The following ERGIC2 variants were observed in gnomAD, a reference collection of about 807,000 sequenced individuals.
The protein encoded by ERGIC2 is endoplasmic reticulum-Golgi intermediate compartment protein 2.
A neutral mutation model predicts 52.5 loss-of-function variants in ERGIC2; 31 were observed. The ratio of observed to expected loss-of-function variants is 0.59; its 90% CI spans 0.44 to 0.80. The LOEUF is 0.80. ERGIC2 is among the 30% of genes least tolerant of loss of function. The pLI is 0.00. For missense variants in ERGIC2, 395 were observed against 455.2 expected (o/e 0.87, Z 1.20); for synonymous variants, 129 against 140.6 (o/e 0.92, Z 0.58).
chr12:29,340,749 T>G lies in ERGIC2; in HGVS notation c.*407A>C. 2.5e-6 allele frequency: 1 copy of G among 403,350 alleles called. No homozygotes were observed. Among genetic ancestry groups the G allele is most frequent in the Non-Finnish European group, 4.7e-6 (1 of 211,514 alleles). The allele number at this position is 403,350 out of a possible 1,614,324, so 25.0% of individuals were successfully genotyped here. ...CCACATTTTATTCTGACATCATATC[T>G]TTTAAAAACAAAAGGATGCGAACAT... On this transcript the variant is annotated 3_prime_UTR_variant, in exon 14 of 14. Transcript: ENST00000360150.
chr12:29,365,676 A>ATT (rs1940351168), intron 5 of ERGIC2, among the ~76,000 whole-genome samples: 9 of 148,962 alleles, frequency 6.0e-5, no homozygotes, highest in Admixed American at 1.3e-4. Flanking sequence ...AGAAAATTAA[A>ATT]AAAAAAAAAA....
Position 29,345,706 on chromosome 12 carries a change from G to A in ERGIC2, c.728-166C>T, listed in dbSNP as rs773321959. 43 of 604,804 alleles carry A rather than the reference G, an allele frequency of 7.1e-5. 1 individual carries two copies. Among genetic ancestry groups the A allele is most frequent in the Non-Finnish European group, 1.2e-4 (41 of 339,270 alleles). 37.5% of individuals were successfully genotyped at this position (604,804 alleles called of 1,614,324 possible). ...ACGAAGGAGGACTGCTTGAGTGTGG[G>A]AGTTCAAGAACAGTCTCGAACTTGA... On this transcript the variant is annotated intron_variant, in intron 10 of 13. Coordinates refer to ENST00000360150, the MANE Select transcript of ERGIC2 (RefSeq NM_016570.3).
chr12:29,368,184 G>T, intron 4 of ERGIC2, 57 bp downstream of exon 4: 3 of 1,059,822 alleles, frequency 2.8e-6, no homozygotes, highest in Non-Finnish European at 4.4e-6. Context: ...ATTTTTGCTT[G>T]GCAATTGTTT....
At chr12:29,355,208 T>C (rs972571171) in intron 8 of ERGIC2, among the ~76,000 whole-genome samples, 3 of 152,126 alleles carry the variant, frequency 2.0e-5, no homozygotes, top group Non-Finnish European at 4.4e-5. Flanking sequence ...TGTTAAATAG[T>C]CTCTTATCAG....
chr12:29,377,824 T>C (rs17659307), intron 1 of ERGIC2, among the ~76,000 whole-genome samples: 3,697 of 152,352 alleles, frequency 0.024, 66 homozygotes, highest in Middle Eastern at 0.048. Flanking sequence ...AATACAGAAT[T>C]CATGAACTTT....
chr12:29,341,611 G>T, intron 13 of ERGIC2, 123 bp downstream of exon 13: 1 of 632,398 alleles, frequency 1.6e-6, no homozygotes, highest in Non-Finnish European at 2.9e-6. Flanking sequence ...GGGCTCAAGC[G>T]ATCCTCCCGC....
chr12:29,345,412 C>A, intron 11 of ERGIC2, 31 bp downstream of exon 11: 1 of 1,240,498 alleles, frequency 8.1e-7, no homozygotes, highest in Non-Finnish European at 1.2e-6. Flanking sequence ...AAAAAATCAC[C>A]AAATTATTTT....
intron 1 of ERGIC2, among the ~76,000 whole-genome samples, chr12:29,376,391 C>T (rs1940515008): frequency 6.6e-6 from 1 of 152,082 alleles, no homozygotes; most frequent in Non-Finnish European, 1.5e-5. Context: ...CCAGATCATT[C>T]AATATGCTTC....
intron 1 of ERGIC2, among the ~76,000 whole-genome samples, chr12:29,379,640 T>C (rs1043800706): frequency 3.3e-5 from 5 of 152,226 alleles, no homozygotes; most frequent in African/African-American, 1.2e-4. Flanking sequence ...TTGTTCTAAA[T>C]GCTTTGTATG....
chr12:29,371,040 A>G (rs2136878630), intron 2 of ERGIC2, among the ~76,000 whole-genome samples: 1 of 152,258 alleles, frequency 6.6e-6, no homozygotes, highest in South Asian at 2.1e-4. Flanking sequence ...AGGGAAAGAA[A>G]TTATACTGAA....
rs963366129 is a variant in ERGIC2, at chr12:29,348,990, G to A, written c.727+89C>T. 3 of 639,710 alleles carry A rather than the reference G, an allele frequency of 4.7e-6. No individual in the cohort carries two copies. In the Admixed American group the frequency reaches 1.0e-4, roughly 22 times the overall value. 39.6% of individuals were successfully genotyped at this position (639,710 alleles called of 1,614,324 possible). On this transcript the variant is annotated intron_variant, in intron 10 of 13. Coordinates refer to ENST00000360150, the MANE Select transcript of ERGIC2 (RefSeq NM_016570.3). The stretch of plus-strand genomic sequence containing the variant: ...ACTTAAAGATTATCTTTACACAGTA[G>A]TTAGGAAGACATTAAAAATGTATTA...
intron 8 of ERGIC2, among the ~76,000 whole-genome samples, chr12:29,354,112 A>G (rs1940171251): frequency 6.6e-6 from 1 of 152,162 alleles, no homozygotes; most frequent in South Asian, 2.1e-4. Flanking sequence ...GTCTCACACA[A>G]AAAAGAATCA....
In ERGIC2 at chr12:29,338,005, C is replaced by T. The variant is rs1949808945; in HGVS notation, c.*3151G>A. 1 of 151,940 alleles carries T rather than the reference C, an allele frequency of 6.6e-6. No homozygotes were observed. Among genetic ancestry groups the T allele is most frequent in the Admixed American group, 6.6e-5 (1 of 15,244 alleles). 9.4% of individuals were successfully genotyped at this position (151,940 alleles called of 1,614,324 possible). ...TGGCTAACACAGTGAAACCCCGTCT[C>T]TACTAAAAATATAAAAAAATTAGCT... is the stretch of plus-strand genomic sequence containing the variant. On this transcript the variant is annotated 3_prime_UTR_variant, in exon 14 of 14. Transcript: ENST00000360150.
intron 8 of ERGIC2, among the ~76,000 whole-genome samples, chr12:29,355,449 CA>C (rs1301664168): frequency 1.3e-5 from 2 of 152,152 alleles, no homozygotes; most frequent in African/African-American, 4.8e-5. Flanking sequence ...AGCAAGTACT[CA>C]AAAAATGTCT....
intron 8 of ERGIC2, among the ~76,000 whole-genome samples, chr12:29,352,050 TC>T (rs1396734979): frequency 6.6e-6 from 1 of 152,148 alleles, no homozygotes; most frequent in Non-Finnish European, 1.5e-5. Context: ...AGTCCATATT[TC>T]TTTTTTTTAA....
intron 11 of ERGIC2, 143 bp from the exon 12 acceptor site, chr12:29,343,425 C>T (rs1949853312): frequency 2.0e-6 from 1 of 493,598 alleles, no homozygotes; most frequent in Admixed American, 3.9e-5. Context: ...TATGAACTGT[C>T]CTACTAGACT....
chr12:29,366,826 G>A (rs74474624), intron 5 of ERGIC2, 51 bp downstream of exon 5: 18,734 of 1,100,740 alleles, frequency 0.017, 214 homozygotes, highest in Non-Finnish European at 0.021. Flanking sequence ...GTCTTCAAGC[G>A]TACGATTCCT....
In ERGIC2 at chr12:29,370,719, C is replaced by G. The variant is rs141700360; in HGVS notation, c.107-497G>C. Among the ~76,000 whole-genome samples the G allele has an allele frequency of 6.6e-4, 100 of 152,040 alleles. 1 individual carries two copies. The highest frequency in any genetic ancestry group is 3.4e-3 in the Middle Eastern group (1 of 294). ...AAAAAGGTAGCCTAATTTCTTAGAT[C>G]CTGAGAAACCACAATAATCTGTGTG... On this transcript the variant is annotated intron_variant, in intron 2 of 13. Coordinates refer to ENST00000360150, the MANE Select transcript of ERGIC2 (RefSeq NM_016570.3).
At chr12:29,368,712 C>T (rs1175603443) in intron 3 of ERGIC2, among the ~76,000 whole-genome samples, 3 of 151,882 alleles carry the variant, frequency 2.0e-5, no homozygotes, top group Non-Finnish European at 4.4e-5. Flanking sequence ...AGATGTTCTA[C>T]AAATATTATC....
Sources: gnomAD v4.1 joint callset for allele counts (sites outside exome capture counted in the v4.1 genomes callset) on GRCh38, gnomAD v4.1.1 for gene constraint, MANE v1.5 for transcripts, NCBI Gene and HGNC (gene_info 2026-07-23, HGNC 2026-07-21) for gene names.